The following NMT2 variants were observed in gnomAD, a reference collection of about 807,000 sequenced individuals.
NMT2 encodes glycylpeptide N-tetradecanoyltransferase 2.
Under a neutral mutation model 65.4 loss-of-function variants are expected in NMT2, and 35 were observed. That is an observed-to-expected ratio of 0.54 (90% confidence interval 0.41 to 0.71). The LOEUF is 0.71. Ranked by LOEUF, NMT2 falls within the 30% of genes least tolerant of loss-of-function variation. The pLI, the probability that NMT2 is intolerant of heterozygous loss-of-function variation, is 0.00. For synonymous variants in NMT2, 226 were observed against 231.8 expected, an observed-to-expected ratio of 0.98 and a Z score of 0.23; for missense variants, 489 against 611.3, an observed-to-expected ratio of 0.80 and a Z score of 2.11.
At chr10:15,152,026 A>G (rs1395333802) in intron 1 of NMT2, among the ~76,000 whole-genome samples, 1 of 152,246 alleles carries the variant, frequency 6.6e-6, no homozygotes, top group African/African-American at 2.4e-5. Context: ...ACTCTGTCTC[A>G]AAAACAAAAA....
chr10:15,125,303 G>A (rs182820056), intron 8 of NMT2, among the ~76,000 whole-genome samples: 4 of 152,340 alleles, frequency 2.6e-5, no homozygotes, highest in South Asian at 2.1e-4. Context: ...CAGGAACCCA[G>A]GTTCACTGGA....
At chr10:15,162,967 T>C (rs1833252686) in intron 1 of NMT2, among the ~76,000 whole-genome samples, 1 of 151,776 alleles carries the variant, frequency 6.6e-6, no homozygotes, top group African/African-American at 2.4e-5. Flanking sequence ...AGTCTCATTC[T>C]GTTGCCCAGG....
At chr10:15,141,687 G>T in intron 1 of NMT2, 130 bp from the exon 2 acceptor site, 1 of 1,214,040 alleles carries the variant, frequency 8.2e-7, no homozygotes, top group African/African-American at 1.5e-5. Flanking sequence ...GTGTTAGGAT[G>T]TAGGTGAGGA....
chr10:15,107,352 T>C lies in NMT2; in HGVS notation c.*1843A>G. 1 of 985,346 alleles carries C rather than the reference T, an allele frequency of 1.0e-6. No homozygotes were observed. The highest frequency in any genetic ancestry group is 1.2e-6 in the Non-Finnish European group (1 of 829,880). The allele number at this position is 985,346 out of a possible 1,614,324, so 61.0% of individuals were successfully genotyped here. A position where few individuals can be genotyped will look rare whatever the true frequency, so the allele number is the denominator to read the frequency against. ...CCTGCCTGGGATAAGATATGATTGG[T>C]TTCACTGGACTCATAACTTGAAGGA... On this transcript the variant is annotated 3_prime_UTR_variant, in exon 12 of 12. Coordinates refer to ENST00000378165, the MANE Select transcript of NMT2 (RefSeq NM_004808.3).
intron 9 of NMT2, among the ~76,000 whole-genome samples, chr10:15,115,158 T>C (rs1361559767): frequency 2.0e-5 from 3 of 152,156 alleles, no homozygotes; most frequent in Non-Finnish European, 2.9e-5. Flanking sequence ...AGAAGGAATC[T>C]TGAAGCATCA....
At chr10:15,127,093 G>A (rs1050001353) in intron 8 of NMT2, among the ~76,000 whole-genome samples, 20 of 151,196 alleles carry the variant, frequency 1.3e-4, no homozygotes, top group African/African-American at 4.4e-4. Context: ...AAATCAGTTG[G>A]GTGTGGTGGC....
rs1389849550 is a variant in NMT2, at chr10:15,105,940, G to GT, written c.*3254dup. ...GTAAATGACTCTTTAAAGGAGCAGT[G>GT]TAACTGTCACCGTGAGGTAAGCTCA... On this transcript the variant is annotated 3_prime_UTR_variant, in exon 12 of 12. Coordinates refer to ENST00000378165, the MANE Select transcript of NMT2 (RefSeq NM_004808.3). The GT allele has an allele frequency of 1.4e-5, 5 of 351,872 alleles. No individual in the cohort carries two copies. Among genetic ancestry groups the GT allele is most frequent in the African/African-American group, 6.8e-5 (3 of 44,398 alleles). 21.8% of individuals were successfully genotyped at this position (351,872 alleles called of 1,614,324 possible).
rs752585664 is a variant in NMT2 at position 15,127,582 on chromosome 10, AT to A, written c.999+767del. On this transcript the variant is annotated intron_variant, in intron 8 of 11. Coordinates refer to ENST00000378165, the MANE Select transcript of NMT2 (RefSeq NM_004808.3). ...AAAAAAAAAAAAAATAAATAAATAA[AT>A]AAATAAATAAATAAAATAAAATAAA... 1.7e-3 allele frequency among the ~76,000 whole-genome samples: 135 copies of A among 77,260 alleles called. 20 individuals carry two copies. Among genetic ancestry groups the A allele is most frequent in the African/African-American group, 0.012 (131 of 10,886 alleles). The allele number at this position is 77,260 out of a possible 152,430, so 50.7% of individuals were successfully genotyped here.
chr10:15,131,251 T>C (rs1038586937), intron 6 of NMT2, among the ~76,000 whole-genome samples: 2 of 152,266 alleles, frequency 1.3e-5, no homozygotes, highest in Middle Eastern at 3.4e-3. Flanking sequence ...TTTGGGACTT[T>C]GGTCCATTAT....
chr10:15,168,377 G>A (rs1422218972), intron 1 of NMT2, 126 bp downstream of exon 1: 3 of 519,660 alleles, frequency 5.8e-6, no homozygotes, highest in Admixed American at 3.2e-5. Context: ...TCCGCGCCAC[G>A]GAGAAGCCAT....
intron 1 of NMT2, among the ~76,000 whole-genome samples, chr10:15,152,104 G>A (rs1832826152): frequency 1.3e-5 from 2 of 152,204 alleles, no homozygotes; most frequent in South Asian, 4.1e-4. Flanking sequence ...GCTGTGATAT[G>A]AGCCTGTGAT....
At chr10:15,141,607 A>G in intron 1 of NMT2, 50 bp from the exon 2 acceptor site, 2 of 1,548,124 alleles carry the variant, frequency 1.3e-6, no homozygotes, top group Non-Finnish European at 8.7e-7. Flanking sequence ...AAAAATCATT[A>G]AATGAAATTG....
chr10:15,128,484 T>C lies in NMT2; in HGVS notation c.891-26A>G. 3 of 1,360,186 alleles carry C rather than the reference T, an allele frequency of 2.2e-6. No individual in the cohort carries two copies. The East Asian group carries it at 6.9e-5, about 31-fold the overall frequency. 84.3% of individuals were successfully genotyped at this position (1,360,186 alleles called of 1,614,324 possible). A position where few individuals can be genotyped will look rare whatever the true frequency, so the allele number is the denominator to read the frequency against. On this transcript the variant is annotated intron_variant, in intron 7 of 11. Transcript: ENST00000378165. ...CTGGAATACAATAAAGGTTTTAAAA[T>C]CAAATTGATTTCTAACTCTACAAGT...
At chr10:15,140,186 G>GT (rs1485402641) in intron 2 of NMT2, among the ~76,000 whole-genome samples, 1 of 152,032 alleles carries the variant, frequency 6.6e-6, no homozygotes, top group Admixed American at 6.6e-5. Flanking sequence ...GCAGTGGCGT[G>GT]ATCTTGGCTC....
chr10:15,111,374 G>A (rs1386997196), intron 10 of NMT2, among the ~76,000 whole-genome samples: 1 of 151,614 alleles, frequency 6.6e-6, no homozygotes, highest in Non-Finnish European at 1.5e-5. Flanking sequence ...AGCCAGGTGT[G>A]GTGGCACACA....
intron 1 of NMT2, among the ~76,000 whole-genome samples, chr10:15,163,550 T>G (rs1588465405): frequency 6.6e-6 from 1 of 152,212 alleles, no homozygotes. Context: ...TATTTTTCCA[T>G]TTAGATTTAT....
Position 15,127,407 on chromosome 10 carries a change from C to T in NMT2, c.999+943G>A, listed in dbSNP as rs529940315. On this transcript the variant is annotated intron_variant, in intron 8 of 11. Coordinates refer to ENST00000378165, the MANE Select transcript of NMT2 (RefSeq NM_004808.3). Reference sequence around the variant, plus strand: ...CTAAAAATACAAAAAATTAGCCGGGCATGCTGGCGGGCGCCTATAGTCCCA... The same window carrying T: ...CTAAAAATACAAAAAATTAGCCGGGTATGCTGGCGGGCGCCTATAGTCCCA... Among the ~76,000 whole-genome samples, 30 of 148,764 alleles carry T rather than the reference C, an allele frequency of 2.0e-4. No homozygotes were observed. In the East Asian group the frequency reaches 5.2e-3, roughly 26 times the overall value.
chr10:15,120,043 A>G (rs1589300032), intron 8 of NMT2, among the ~76,000 whole-genome samples: 2 of 152,348 alleles, frequency 1.3e-5, no homozygotes, highest in East Asian at 1.9e-4. Flanking sequence ...GGATCGTTGC[A>G]TCTGTGCTGA....
intron 7 of NMT2, among the ~76,000 whole-genome samples, 157 bp downstream of exon 7, chr10:15,129,985 A>G: frequency 6.6e-6 from 1 of 151,984 alleles, no homozygotes; most frequent in African/African-American, 2.4e-5. Flanking sequence ...TTAATCACCA[A>G]GTGGCAAATG....
Sources: allele counts gnomAD v4.1 joint callset (sites outside exome capture counted in the v4.1 genomes callset), GRCh38; gene constraint gnomAD v4.1.1; transcripts MANE v1.5; gene names NCBI Gene and HGNC (gene_info 2026-07-23, HGNC 2026-07-21).